Variants in CCDC3 observed in about 807,000 individuals in gnomAD.
CCDC3 encodes the protein coiled-coil domain-containing protein 3.
CCDC3 carries 24 observed loss-of-function variants against 21.4 expected under a neutral mutation model. The ratio of observed to expected loss-of-function variants is 1.12; its 90% CI spans 0.81 to 1.58. The LOEUF is 1.58. Among genes scored for constraint, CCDC3 ranks in the 40% most tolerant of loss-of-function variants. The pLI is 0.00. For missense variants in CCDC3, 425 were observed against 360.9 expected (o/e 1.18, Z -1.44); for synonymous variants, 186 against 166.0 (o/e 1.12, Z -0.93).
intron 4 of CCDC3, chr10:13,057,806 G>T: frequency 3.7e-6 from 1 of 273,632 alleles, no homozygotes; most frequent in East Asian, 9.3e-5. Context: ...CTTGAACCCA[G>T]GGAGGCGGAG....
chr10:13,072,288 C>T (rs1260346152), intron 4 of CCDC3, among the ~76,000 whole-genome samples: 1 of 152,176 alleles, frequency 6.6e-6, no homozygotes, highest in Non-Finnish European at 1.5e-5. Context: ...TGAGGGAGAT[C>T]TGACTGCTGT....
chr10:13,069,430 G>T (rs1282490358), intron 4 of CCDC3, among the ~76,000 whole-genome samples: 1 of 152,058 alleles, frequency 6.6e-6, no homozygotes. Context: ...GTTATAAAAG[G>T]TTTTTTGCTT....
intron 2 of CCDC3, among the ~76,000 whole-genome samples, chr10:12,902,832 G>A (rs967424236): frequency 6.7e-6 from 1 of 150,114 alleles, no homozygotes; most frequent in African/African-American, 2.5e-5. Context: ...AAGACTTAGA[G>A]CCCAGACAAA....
chr10:12,905,929 T>C (rs1266050546), intron 2 of CCDC3, among the ~76,000 whole-genome samples: 1 of 152,216 alleles, frequency 6.6e-6, no homozygotes, highest in Non-Finnish European at 1.5e-5. Context: ...CAAGATTCCT[T>C]CATTATCCAC....
At chr10:13,070,788 A>G (rs192288878) in intron 4 of CCDC3, among the ~76,000 whole-genome samples, 6 of 152,368 alleles carry the variant, frequency 3.9e-5, no homozygotes, top group Admixed American at 3.3e-4. Flanking sequence ...CAAGTATAAG[A>G]CTAAAGTCTA....
intron 5 of CCDC3, among the ~76,000 whole-genome samples, chr10:13,039,797 C>T (rs1454372584): frequency 2.0e-5 from 3 of 151,910 alleles, no homozygotes; most frequent in Non-Finnish European, 4.4e-5. Flanking sequence ...CATCCGTCTC[C>T]CTCAGTACTT....
chr10:12,980,124 G>A (rs1015517984), intron 2 of CCDC3, among the ~76,000 whole-genome samples: 1 of 152,172 alleles, frequency 6.6e-6, no homozygotes, highest in Non-Finnish European at 1.5e-5. Context: ...TTCATCCTGT[G>A]CCCCTGCAAA....
intron 2 of CCDC3, among the ~76,000 whole-genome samples, chr10:12,926,900 A>G (rs76359925): frequency 3.9e-4 from 60 of 152,340 alleles, no homozygotes; most frequent in African/African-American, 1.4e-3. Flanking sequence ...GTATACCCCT[A>G]AAAACAAAAA....
chr10:12,957,977 A>ATGTGC (rs1477119023), intron 2 of CCDC3, among the ~76,000 whole-genome samples: 1 of 151,942 alleles, frequency 6.6e-6, no homozygotes, highest in Non-Finnish European at 1.5e-5. Context: ...CTACAGGCTC[A>ATGTGC]CACCACGTCT....
chr10:13,022,951 T>C (rs1166414285), intron 5 of CCDC3, among the ~76,000 whole-genome samples: 1 of 152,018 alleles, frequency 6.6e-6, no homozygotes, highest in Non-Finnish European at 1.5e-5. Flanking sequence ...GTTGACCAGT[T>C]TAAAATCAAA....
At position 12,924,575 on chromosome 10, in the gene CCDC3, T is replaced by C. The variant is rs565249484; in HGVS notation, c.550-25896A>G. 2.6e-5 allele frequency: 4 copies of C among 152,310 alleles called. No homozygotes were observed. The East Asian group carries it at 7.7e-4, about 29-fold the overall frequency. 9.4% of individuals were successfully genotyped at this position (152,310 alleles called of 1,614,324 possible). A position where few individuals can be genotyped will look rare whatever the true frequency, so the allele number is the denominator to read the frequency against. ...CTCTACGAGAGGCCCAAGGTTAACA[T>C]CCATTTTCCAGTTTCTAATCCACTG... On this transcript the variant is annotated intron_variant, in intron 2 of 2. Coordinates refer to ENST00000378825, the MANE Select transcript of CCDC3 (RefSeq NM_031455.4).
chr10:12,996,142 T>C (rs1835758455), intron 2 of CCDC3, among the ~76,000 whole-genome samples: 1 of 152,180 alleles, frequency 6.6e-6, no homozygotes, highest in Non-Finnish European at 1.5e-5. Flanking sequence ...GGCTTAGACT[T>C]GCTGGGTCCA....
At chr10:13,069,999 A>T (rs1254277331) in intron 4 of CCDC3, among the ~76,000 whole-genome samples, 2 of 152,206 alleles carry the variant, frequency 1.3e-5, no homozygotes, top group African/African-American at 4.8e-5. Flanking sequence ...TTGTGACATT[A>T]TTCCAAAGGA....
intron 5 of CCDC3, among the ~76,000 whole-genome samples, chr10:13,013,251 ACT>A (rs1374386923): frequency 6.6e-6 from 1 of 152,146 alleles, no homozygotes; most frequent in African/African-American, 2.4e-5. Flanking sequence ...AAGAACCAGG[ACT>A]CTGGAGAAAT....
At chr10:12,971,067 A>C (rs1336606857) in intron 2 of CCDC3, among the ~76,000 whole-genome samples, 1 of 152,204 alleles carries the variant, frequency 6.6e-6, no homozygotes, top group East Asian at 1.9e-4. Flanking sequence ...AGAGTTACAG[A>C]ATTTTGAAGG....
intron 4 of CCDC3, among the ~76,000 whole-genome samples, chr10:13,053,954 G>A (rs1461778078): frequency 6.6e-6 from 1 of 152,068 alleles, no homozygotes; most frequent in African/African-American, 2.4e-5. Context: ...AGACCAGCCT[G>A]GCCAACATGG....
At chr10:12,950,337 AC>A (rs1834988587) in intron 2 of CCDC3, among the ~76,000 whole-genome samples, 1 of 152,166 alleles carries the variant, frequency 6.6e-6, no homozygotes, top group African/African-American at 2.4e-5. Flanking sequence ...TCTCCAAAGC[AC>A]CCTCCGGAAA....
At chr10:12,931,938 A>T (rs918447668) in intron 2 of CCDC3, among the ~76,000 whole-genome samples, 7 of 152,220 alleles carry the variant, frequency 4.6e-5, no homozygotes, top group Admixed American at 2.0e-4. Context: ...TATAAAAAAC[A>T]GTTTTATGTT....
Position 13,007,549 on chromosome 10 carries a change from T to C in CCDC3, c.-1-9037A>G, listed in dbSNP as rs529124150. ...GTCTGGGCTATTTCCTCCTGGATTA[T>C]AGTGTGTACCTGTCTCCCGGAACAT... On this transcript the variant is annotated intron_variant, in intron 5 of 6. Coordinates refer to the CCDC3 transcript ENST00000378839. 1.7e-3 allele frequency among the ~76,000 whole-genome samples: 252 copies of C among 152,306 alleles called. 2 individuals carry two copies. Among genetic ancestry groups the C allele is most frequent in the African/African-American group, 5.9e-3 (245 of 41,562 alleles).
Sources: allele counts gnomAD v4.1 joint callset (sites outside exome capture counted in the v4.1 genomes callset), GRCh38; gene constraint gnomAD v4.1.1; transcripts MANE v1.5; gene names NCBI Gene and HGNC (gene_info 2026-07-23, HGNC 2026-07-21).